SPOCK1: variants seen among roughly 807,000 people sequenced by gnomAD.
SPOCK1 encodes SPARC (osteonectin), cwcv and kazal like domains proteoglycan 1.
SPOCK1 carries 23 observed loss-of-function variants against 55.3 expected under a neutral mutation model. The observed-to-expected ratio is 0.42, with a 90% CI of 0.30 to 0.59. The LOEUF is 0.59. Ranked by LOEUF, SPOCK1 falls within the 20% of genes least tolerant of loss-of-function variation. The pLI is 0.22. For missense variants in SPOCK1, 499 were observed against 552.5 expected (o/e 0.90, Z 0.97); for synonymous variants, 226 against 221.0 (o/e 1.02, Z -0.20).
intron 2 of SPOCK1, among the ~76,000 whole-genome samples, chr5:137,396,778 A>G (rs1751857717): frequency 6.6e-6 from 1 of 152,220 alleles, no homozygotes; most frequent in African/African-American, 2.4e-5. Flanking sequence ...GTAGTTGTCC[A>G]AAGTAGTATA....
At chr5:137,229,893 G>A (rs1220402778) in intron 3 of SPOCK1, among the ~76,000 whole-genome samples, 1 of 152,190 alleles carries the variant, frequency 6.6e-6, no homozygotes, top group Non-Finnish European at 1.5e-5. Context: ...TGATCTGACA[G>A]GAGGCAGAGC....
intron 3 of SPOCK1, among the ~76,000 whole-genome samples, chr5:137,163,405 C>G (rs755345540): frequency 1.3e-5 from 2 of 152,154 alleles, no homozygotes; most frequent in South Asian, 4.1e-4. Flanking sequence ...GGCAAATTCC[C>G]TAAGTACCTT....
intron 2 of SPOCK1, among the ~76,000 whole-genome samples, chr5:137,375,853 ACCC>A (rs1452854585): frequency 6.6e-6 from 1 of 152,186 alleles, no homozygotes; most frequent in East Asian, 1.9e-4. Flanking sequence ...ACCCCAGTCC[ACCC>A]TGCTGGGGAG....
At chr5:137,474,229 A>C (rs1485790978) in intron 2 of SPOCK1, among the ~76,000 whole-genome samples, 3 of 152,178 alleles carry the variant, frequency 2.0e-5, no homozygotes, top group Non-Finnish European at 4.4e-5. Flanking sequence ...TGGAAAAATA[A>C]AAGAAAAAAG....
At chr5:137,039,805 T>C (rs917700751) in intron 6 of SPOCK1, among the ~76,000 whole-genome samples, 2 of 152,210 alleles carry the variant, frequency 1.3e-5, no homozygotes, top group African/African-American at 4.8e-5. Context: ...AAGGGAACCT[T>C]CTATGCACCC....
intron 9 of SPOCK1, 70 bp downstream of exon 9, chr5:136,985,070 T>A: frequency 6.9e-7 from 1 of 1,440,208 alleles, no homozygotes; most frequent in South Asian, 1.1e-5. Context: ...ACCATTGCCA[T>A]GCTGATCATT....
intron 2 of SPOCK1, among the ~76,000 whole-genome samples, chr5:137,496,514 G>T (rs1235312697): frequency 6.6e-6 from 1 of 152,130 alleles, no homozygotes; most frequent in Non-Finnish European, 1.5e-5. Context: ...GAGCACCAAG[G>T]CATCTATCTC....
chr5:137,403,663 G>A (rs573303577), intron 2 of SPOCK1, among the ~76,000 whole-genome samples: 1 of 107,858 alleles, frequency 9.3e-6, no homozygotes, highest in East Asian at 2.9e-4. Context: ...TGAGAGAATT[G>A]GCCAAGCAGA....
rs1554093473 is a variant in SPOCK1 at position 137,024,316 on chromosome 5, G to GGTT, written c.590-31717_590-31716insAAC. The stretch of plus-strand genomic sequence containing the variant: ...AGCACTAAATTGCACCAGTTTGAAG[G>GGTT]GGGGGGGGTAGTTACAACTGACTGC... On this transcript the variant is annotated intron_variant, in intron 6 of 10. Coordinates refer to ENST00000394945, the MANE Select transcript of SPOCK1 (RefSeq NM_004598.4). 3.6e-5 allele frequency among the ~76,000 whole-genome samples: 5 copies of GGTT among 139,954 alleles called. 1 individual carries two copies. In the South Asian group the frequency reaches 1.2e-3, roughly 33 times the overall value. 91.8% of individuals were successfully genotyped at this position (139,954 alleles called of 152,430 possible).
At chr5:137,360,963 T>C (rs528765371) in intron 2 of SPOCK1, among the ~76,000 whole-genome samples, 1 of 152,278 alleles carries the variant, frequency 6.6e-6, no homozygotes, top group South Asian at 2.1e-4. Flanking sequence ...TAAATTCACA[T>C]GTTGAAAAAG....
At chr5:137,125,930 G>A (rs1753775137) in intron 4 of SPOCK1, among the ~76,000 whole-genome samples, 2 of 152,190 alleles carry the variant, frequency 1.3e-5, no homozygotes, top group South Asian at 4.1e-4. Flanking sequence ...GAGCTATAGA[G>A]AAAGCTTTGA....
At chr5:137,369,422 G>A (rs2127169940) in intron 2 of SPOCK1, among the ~76,000 whole-genome samples, 1 of 152,110 alleles carries the variant, frequency 6.6e-6, no homozygotes, top group East Asian at 1.9e-4. Context: ...TGACAGGGCT[G>A]TAAGAGATCC....
intron 6 of SPOCK1, among the ~76,000 whole-genome samples, chr5:137,022,476 G>A (rs185985930): frequency 2.0e-5 from 3 of 152,176 alleles, no homozygotes; most frequent in African/African-American, 4.8e-5. Context: ...CACCAAGATC[G>A]GGGCAGTTTG....
At chr5:137,415,462 G>A (rs564804669) in intron 2 of SPOCK1, among the ~76,000 whole-genome samples, 1 of 152,222 alleles carries the variant, frequency 6.6e-6, no homozygotes, top group Non-Finnish European at 1.5e-5. Context: ...AAGGTGGTAG[G>A]AAGGGTCCTC....
chr5:137,194,390 C>T (rs1400305958), intron 3 of SPOCK1, among the ~76,000 whole-genome samples: 1 of 152,182 alleles, frequency 6.6e-6, no homozygotes, highest in Non-Finnish European at 1.5e-5. Context: ...AAGGGAACAG[C>T]TCGTACAAGG....
In SPOCK1 at chr5:137,162,064, C is replaced by T. The variant is rs1029994921; in HGVS notation, c.233-21370G>A. ...TGTTTTTCTTTCTTTCTTTTCCTCC[C>T]TCCCTAGGGGTAAAAGATGCCCCTT... is the stretch of plus-strand genomic sequence containing the variant. On this transcript the variant is annotated intron_variant, in intron 3 of 10. Transcript: ENST00000394945. Among the ~76,000 whole-genome samples, 6 of 151,626 alleles carry T rather than the reference C, an allele frequency of 4.0e-5. No homozygotes were observed. In the East Asian group the frequency reaches 1.2e-3, roughly 29 times the overall value.
At chr5:137,229,164 G>A (rs1756003197) in intron 3 of SPOCK1, among the ~76,000 whole-genome samples, 1 of 152,114 alleles carries the variant, frequency 6.6e-6, no homozygotes, top group African/African-American at 2.4e-5. Flanking sequence ...CTTACAGACA[G>A]AATAAAATGA....
In SPOCK1 at chr5:137,297,544, A is replaced by G. The variant is rs1372186339; in HGVS notation, c.187-30489T>C. On this transcript the variant is annotated intron_variant, in intron 2 of 10. Coordinates refer to ENST00000394945, the MANE Select transcript of SPOCK1 (RefSeq NM_004598.4). ...AATTGTTTTAACAACGATAAGTATC[A>G]GACTATGTTTTAAGGAGACTATGAG... is the stretch of plus-strand genomic sequence containing the variant. 5.9e-5 allele frequency among the ~76,000 whole-genome samples: 9 copies of G among 152,318 alleles called. No individual in the cohort carries two copies. In the East Asian group the frequency reaches 1.7e-3, roughly 29 times the overall value.
chr5:137,340,180 T>C (rs1290122884), intron 2 of SPOCK1, among the ~76,000 whole-genome samples: 1 of 152,194 alleles, frequency 6.6e-6, no homozygotes, highest in Non-Finnish European at 1.5e-5. Flanking sequence ...GAAGGAGATC[T>C]TGATCCCGGT....
Sources: allele counts gnomAD v4.1 joint callset (sites outside exome capture counted in the v4.1 genomes callset), GRCh38; gene constraint gnomAD v4.1.1; transcripts MANE v1.5; gene names NCBI Gene and HGNC (gene_info 2026-07-23, HGNC 2026-07-21).